ARHGAP29: variants seen among roughly 807,000 people sequenced by gnomAD.
The protein encoded by ARHGAP29 is rho GTPase-activating protein 29.
In ARHGAP29, 43 loss-of-function variants were observed where a neutral mutation model predicts 122.6. The ratio of observed to expected loss-of-function variants is 0.35; its 90% confidence interval spans 0.27 to 0.45. The LOEUF is 0.45. ARHGAP29 is among the 20% of genes least tolerant of loss of function. ARHGAP29 has a pLI of 1.00. For synonymous variants in ARHGAP29, 506 were observed against 497.1 expected (o/e 1.02, Z -0.24); for missense variants, 1,303 against 1,477.2 (o/e 0.88, Z 1.93).
intron 1 of ARHGAP29, among the ~76,000 whole-genome samples, chr1:94,237,021 G>A (rs1653317667): frequency 6.6e-6 from 1 of 152,242 alleles, no homozygotes; most frequent in Non-Finnish European, 1.5e-5. Flanking sequence ...GTTTCCCCGT[G>A]TGAACCGAGT....
the ARHGAP29 span, among the ~76,000 whole-genome samples, chr1:94,297,816 C>T: frequency 9.8e-4 from 149 of 152,186 alleles, no homozygotes; most frequent in African/African-American, 2.9e-3. Flanking sequence ...ACGGCTGCAG[C>T]AATGAGGGGA....
intron 1 of ARHGAP29, among the ~76,000 whole-genome samples, chr1:94,260,158 A>G (rs1654504547): frequency 6.6e-6 from 1 of 152,194 alleles, no homozygotes. Context: ...GCCTGGGATG[A>G]GCCATGGACA....
chr1:94,268,389 A>C, intron 1 of ARHGAP29, among the ~76,000 whole-genome samples: 1 of 150,894 alleles, frequency 6.6e-6, no homozygotes, highest in Non-Finnish European at 1.5e-5. Flanking sequence ...ACCCTCCCCT[A>C]CTCCTGCCAC....
intron 19 of ARHGAP29, among the ~76,000 whole-genome samples, chr1:94,181,131 G>A (rs1649431324): frequency 6.6e-6 from 1 of 152,176 alleles, no homozygotes; most frequent in Admixed American, 6.5e-5. Flanking sequence ...CTGAAGAGTT[G>A]AAGAGCAAAT....
intron 5 of ARHGAP29, 46 bp from the exon 6 acceptor site, chr1:94,205,729 A>G (rs2101525415): frequency 6.4e-7 from 1 of 1,562,764 alleles, no homozygotes. Context: ...GAAGAACACA[A>G]ATCTTTGCTT....
chr1:94,262,216 G>A (rs1269344314), intron 1 of ARHGAP29, among the ~76,000 whole-genome samples: 1 of 152,164 alleles, frequency 6.6e-6, no homozygotes, highest in Non-Finnish European at 1.5e-5. Flanking sequence ...GCAGAAGATT[G>A]AAACTGGACC....
At position 94,203,942 on chromosome 1, in the gene ARHGAP29, G is replaced by A. The variant is rs1651026364; in HGVS notation, c.750C>T (p.Asn250=). 3 of 1,613,778 alleles carry A rather than the reference G, an allele frequency of 1.9e-6. No individual in the cohort carries two copies. Among genetic ancestry groups the A allele is most frequent in the East Asian group, 2.2e-5 (1 of 44,836 alleles). The part of the protein sequence containing the change: ...MVKLAEATRT[N]IGIQEFMPLQ... ...ACAGAACACTTACCTGAATTCCAAT[G>A]TTAGTTCTAGTTGCCTCTGCCAACT... Residue 250 remains asparagine, a synonymous_variant, in exon 8 of 23, where the codon AAC becomes AAT. Coordinates refer to ENST00000260526, the MANE Select transcript of ARHGAP29 (RefSeq NM_004815.4).
At chr1:94,313,192 G>T in the ARHGAP29 span, among the ~76,000 whole-genome samples, 1 of 152,020 alleles carries the variant, frequency 6.6e-6, no homozygotes, top group Non-Finnish European at 1.5e-5. Flanking sequence ...TCCTCCTGCT[G>T]CTCCTTGCCC....
intron 22 of ARHGAP29, among the ~76,000 whole-genome samples, chr1:94,175,131 G>C (rs899378296): frequency 6.6e-6 from 1 of 152,154 alleles, no homozygotes; most frequent in Non-Finnish European, 1.5e-5. Flanking sequence ...CCAACCAGAT[G>C]TAAGTGTGCC....
intron 1 of ARHGAP29, among the ~76,000 whole-genome samples, chr1:94,254,930 G>T (rs1654271908): frequency 6.6e-6 from 1 of 152,152 alleles, no homozygotes; most frequent in Non-Finnish European, 1.5e-5. Flanking sequence ...GGTGGTTTTT[G>T]GTAGTGGGGA....
intron 1 of ARHGAP29, among the ~76,000 whole-genome samples, chr1:94,253,400 A>G (rs1430152354): frequency 6.6e-6 from 1 of 152,190 alleles, no homozygotes; most frequent in Admixed American, 6.5e-5. Flanking sequence ...CTGTAAATCT[A>G]TGAAATTAAA....
rs1354358693 is a variant in ARHGAP29 at position 94,208,908 on chromosome 1, T to C, written c.438-4A>G. 13 of 1,612,660 alleles carry C rather than the reference T, an allele frequency of 8.1e-6. No individual in the cohort carries two copies. The highest frequency in any genetic ancestry group is 1.1e-5 in the Non-Finnish European group (13 of 1,178,858). On this transcript the variant is annotated splice_region_variant and splice_polypyrimidine_tract_variant and intron_variant, in intron 4 of 22. Coordinates refer to ENST00000260526, the MANE Select transcript of ARHGAP29 (RefSeq NM_004815.4). The stretch of plus-strand genomic sequence containing the variant: ...TCCCATAAGGAAGTTTGTAAGGCTA[T>C]CCAAGGAGGTTAAAAAAAGAAAGAC...
At chr1:94,310,263 G>T in the ARHGAP29 span, among the ~76,000 whole-genome samples, 1 of 152,188 alleles carries the variant, frequency 6.6e-6, no homozygotes, top group Non-Finnish European at 1.5e-5. Context: ...TGAGTTCGTA[G>T]GGTGGGGAAA....
At chr1:94,260,823 G>A (rs1346143724) in intron 1 of ARHGAP29, among the ~76,000 whole-genome samples, 1 of 152,164 alleles carries the variant, frequency 6.6e-6, no homozygotes, top group African/African-American at 2.4e-5. Context: ...GAGCATTAAG[G>A]CAGCTGATGC....
At chr1:94,240,060 G>C (rs370724477), upstream of ARHGAP29, among the ~76,000 whole-genome samples, 3 of 152,186 alleles carry the variant, frequency 2.0e-5, no homozygotes, top group African/African-American at 7.2e-5. Context: ...ACAACTCTCA[G>C]GGAGCTCAAG....
chr1:94,300,106 G>T, the ARHGAP29 span, among the ~76,000 whole-genome samples: 1 of 152,202 alleles, frequency 6.6e-6, no homozygotes, highest in African/African-American at 2.4e-5. Context: ...CTGAAGGCGG[G>T]CCCACCTGTA....
At position 94,178,156 on chromosome 1, in the gene ARHGAP29, T is replaced by C. The variant is rs891527989; in HGVS notation, c.2492A>G (p.His831Arg). ...GGAGTTCATCTTGTTTTCTTCTGCATGATCTACTACCCTGCAAAGTAGAAC... is the reference window on the plus strand; with the variant it reads ...GGAGTTCATCTTGTTTTCTTCTGCACGATCTACTACCCTGCAAAGTAGAAC... The part of the protein sequence containing the change: ...LIVHLKRVVD[H>R]AEENKMNSKN... Residue 831 changes from histidine (H) to arginine (R), a missense_variant, in exon 21 of 23, where the codon CAT becomes CGT. By Grantham distance (29) the His-to-Arg change is conservative. Coordinates refer to ENST00000260526, the MANE Select transcript of ARHGAP29 (RefSeq NM_004815.4). The C allele has an allele frequency of 2.9e-5, 46 of 1,613,608 alleles. No homozygotes were observed. The highest frequency in any genetic ancestry group is 3.9e-5 in the Non-Finnish European group (46 of 1,179,746).
chr1:94,309,542 T>C, the ARHGAP29 span, among the ~76,000 whole-genome samples: 8 of 152,306 alleles, frequency 5.3e-5, no homozygotes, highest in African/African-American at 1.9e-4. Flanking sequence ...GATTTTTTTA[T>C]TGTGAACAAG....
rs749955367 is a variant in ARHGAP29, at chr1:94,188,938, G to A, written c.1580C>T (p.Pro527Leu). 16 of 1,611,616 alleles carry A rather than the reference G, an allele frequency of 9.9e-6. No individual in the cohort carries two copies. Among genetic ancestry groups the A allele is most frequent in the African/African-American group, 1.3e-5 (1 of 74,754 alleles). Residue 527 changes from proline (P) to leucine (L), a missense_variant, in exon 15 of 23, where the codon CCT (proline) becomes CTT (leucine). This residue lies in a region of ARHGAP29 where 592 missense variants were observed against 648.2 expected (regional missense o/e 0.91). Coordinates refer to ENST00000260526, the MANE Select transcript of ARHGAP29 (RefSeq NM_004815.4). The stretch of plus-strand genomic sequence containing the variant: ...AAATGTCCATGATCTTATAAAGGAA[G>A]GACCTTTAATAAAAAGAATAAAGTC... ...RCSNSADITGPSFIRSWTFGM... is the reference protein window; with the variant it reads ...RCSNSADITGLSFIRSWTFGM...
Sources: gnomAD v4.1 joint callset for allele counts (sites outside exome capture counted in the v4.1 genomes callset) on GRCh38, gnomAD v4.1.1 for gene constraint, gnomAD v4.1.1 regional missense constraint, MANE v1.5 for transcripts, NCBI Gene and HGNC (gene_info 2026-07-23, HGNC 2026-07-21) for gene names.